Variants in PDE4D observed in about 807,000 individuals in gnomAD.
PDE4D encodes 3',5'-cyclic-AMP phosphodiesterase 4D.
In PDE4D, 24 loss-of-function variants were observed where a neutral mutation model predicts 87.4. The observed-to-expected ratio is 0.27, with a 90% confidence interval of 0.20 to 0.39. PDE4D has a LOEUF of 0.39. Ranked by LOEUF, PDE4D falls within the 10% of genes least tolerant of loss-of-function variation. PDE4D has a pLI of 1.00. For missense variants in PDE4D, 714 were observed against 1,041.0 expected, an observed-to-expected ratio of 0.69 and a Z score of 4.32; for synonymous variants, 384 against 383.2, an observed-to-expected ratio of 1.00 and a Z score of -0.02.
At chr5:60,403,367 G>A (rs1467698818) in intron 1 of PDE4D, among the ~76,000 whole-genome samples, 3 of 152,154 alleles carry the variant, frequency 2.0e-5, no homozygotes, top group Non-Finnish European at 4.4e-5. Flanking sequence ...ATTGTACTTA[G>A]GCAACCACCT....
intron 1 of PDE4D, among the ~76,000 whole-genome samples, chr5:59,249,690 A>T (rs1191991019): frequency 6.6e-6 from 1 of 152,208 alleles, no homozygotes; most frequent in Non-Finnish European, 1.5e-5. Flanking sequence ...AAAGAAATTA[A>T]AACTGTACAA....
intron 1 of PDE4D, among the ~76,000 whole-genome samples, chr5:60,415,664 G>C (rs901991876): frequency 6.6e-6 from 1 of 152,232 alleles, no homozygotes; most frequent in Non-Finnish European, 1.5e-5. Context: ...CAGGGCTCGG[G>C]ACCTGCAGTG....
intron 1 of PDE4D, among the ~76,000 whole-genome samples, chr5:59,485,329 CCGTTATT>C (rs1804942897): frequency 6.6e-6 from 1 of 152,018 alleles, no homozygotes; most frequent in African/African-American, 2.4e-5. Flanking sequence ...CTGTACGCCA[CCGTTATT>C]TATTAAAGAG....
At chr5:59,848,874 T>C (rs1744268864) in intron 1 of PDE4D, among the ~76,000 whole-genome samples, 1 of 151,940 alleles carries the variant, frequency 6.6e-6, no homozygotes, top group African/African-American at 2.4e-5. Flanking sequence ...TCCATAAAAT[T>C]TGAGAAATGG....
At chr5:59,508,821 A>G (rs1186422790) in intron 1 of PDE4D, among the ~76,000 whole-genome samples, 1 of 152,074 alleles carries the variant, frequency 6.6e-6, no homozygotes, top group Admixed American at 6.5e-5. Flanking sequence ...GTGAAACAAC[A>G]AATTAGACTC....
intron 1 of PDE4D, among the ~76,000 whole-genome samples, chr5:59,536,713 CTTTTGAAAAGACTCTT>C (rs1183770062): frequency 1.3e-5 from 2 of 151,944 alleles, no homozygotes; most frequent in Admixed American, 6.6e-5. Context: ...CCCTTACAGG[CTTTTGAAAAGACTCTT>C]TTTTCTTTAA....
At chr5:60,416,562 G>A (rs1742591486) in intron 1 of PDE4D, among the ~76,000 whole-genome samples, 1 of 152,112 alleles carries the variant, frequency 6.6e-6, no homozygotes, top group Admixed American at 6.5e-5. Flanking sequence ...TCACTCCTGA[G>A]CCAGCAAGAC....
At chr5:59,393,715 T>C (rs1366731348) in intron 1 of PDE4D, among the ~76,000 whole-genome samples, 2 of 152,186 alleles carry the variant, frequency 1.3e-5, no homozygotes, top group African/African-American at 2.4e-5. Flanking sequence ...TTTAGGACAA[T>C]AATTTTTAAA....
At chr5:59,325,334 C>T (rs570395077) in intron 1 of PDE4D, among the ~76,000 whole-genome samples, 1 of 152,272 alleles carries the variant, frequency 6.6e-6, no homozygotes, top group East Asian at 1.9e-4. Context: ...TTTGTGGAAA[C>T]ATTGAACAAT....
At chr5:60,462,418 A>T (rs967961885) in intron 1 of PDE4D, among the ~76,000 whole-genome samples, 1 of 152,186 alleles carries the variant, frequency 6.6e-6, no homozygotes, top group Non-Finnish European at 1.5e-5. Flanking sequence ...AGCCAGGGCA[A>T]GAAGAGAAGG....
At position 59,109,057 on chromosome 5, in the gene PDE4D, C is replaced by T. The variant is rs959590172; in HGVS notation, c.809-70086G>A. 4.9e-5 allele frequency among the ~76,000 whole-genome samples: 7 copies of T among 142,832 alleles called. No individual in the cohort carries two copies. The East Asian group carries it at 1.1e-3, about 23-fold the overall frequency. 93.7% of individuals were successfully genotyped at this position (142,832 alleles called of 152,430 possible). On this transcript the variant is annotated intron_variant, in intron 5 of 14. Transcript: ENST00000340635. ...AGATTTATAAAAGTTATTCCCTATG[C>T]GTGATACATTCTCATCTTTTTCTAC... is the stretch of plus-strand genomic sequence containing the variant.
At chr5:59,988,671 A>C (rs1330561885) in exon 3 of PDE4D, 4 of 1,599,004 alleles carry the variant, frequency 2.5e-6, no homozygotes, top group Non-Finnish European at 3.4e-6. Flanking sequence ...CATTCCGCGG[A>C]AAGGGTCTTC....
intron 3 of PDE4D, among the ~76,000 whole-genome samples, chr5:59,974,631 T>A (rs1761118824): frequency 6.6e-6 from 1 of 152,146 alleles, no homozygotes; most frequent in South Asian, 2.1e-4. Context: ...ATGCTCAACT[T>A]CTTGTTCCCT....
chr5:60,129,205 G>A (rs1248218554), intron 2 of PDE4D, among the ~76,000 whole-genome samples: 2 of 152,190 alleles, frequency 1.3e-5, no homozygotes, highest in Non-Finnish European at 2.9e-5. Flanking sequence ...ACATGCAAGT[G>A]CTCATATGAC....
intron 1 of PDE4D, among the ~76,000 whole-genome samples, chr5:60,198,142 TATA>T (rs1741488018): frequency 6.6e-6 from 1 of 151,360 alleles, no homozygotes. Flanking sequence ...CAGCATAAAT[TATA>T]ATATTTTTCT....
chr5:59,875,460 C>CAAAAAAAAAAAAAAAAAAA (rs3062667), intron 1 of PDE4D, among the ~76,000 whole-genome samples: 8 of 39,694 alleles, frequency 2.0e-4, no homozygotes, highest in African/African-American at 8.2e-4. Flanking sequence ...ACCTCCGTCT[C>CAAAAAAAAAAAAAAAAAAA]AAAAAAAAAA....
At chr5:60,230,365 C>A (rs1745654658) in intron 1 of PDE4D, among the ~76,000 whole-genome samples, 1 of 152,046 alleles carries the variant, frequency 6.6e-6, no homozygotes. Flanking sequence ...AGTCCCCATT[C>A]TTGAACACTG....
intron 2 of PDE4D, among the ~76,000 whole-genome samples, chr5:60,037,917 T>A (rs1456491180): frequency 6.6e-6 from 1 of 152,196 alleles, no homozygotes; most frequent in Non-Finnish European, 1.5e-5. Context: ...TAAAATTTTA[T>A]ATCAAAAATG....
At chr5:59,432,226 T>C (rs1796205660) in intron 1 of PDE4D, among the ~76,000 whole-genome samples, 2 of 151,992 alleles carry the variant, frequency 1.3e-5, no homozygotes, top group Non-Finnish European at 2.9e-5. Context: ...TTCTCCTTCC[T>C]TTTTGAATAA....
Sources: gnomAD v4.1 joint callset for allele counts (sites outside exome capture counted in the v4.1 genomes callset) on GRCh38, gnomAD v4.1.1 for gene constraint, MANE v1.5 for transcripts, NCBI Gene and HGNC (gene_info 2026-07-23, HGNC 2026-07-21) for gene names.